PDE8A: variants seen among roughly 807,000 people sequenced by gnomAD.
PDE8A encodes high affinity cAMP-specific and IBMX-insensitive 3',5'-cyclic phosphodiesterase 8A.
Under a neutral mutation model 105.0 loss-of-function variants are expected in PDE8A, and 59 were observed. That is an observed-to-expected ratio of 0.56 (90% CI 0.46 to 0.70). The LOEUF (loss-of-function observed/expected upper bound fraction) is 0.70. Among genes scored for constraint, PDE8A ranks in the 30% least tolerant of loss-of-function variants. The probability of loss-of-function intolerance (pLI) is 0.00; values close to 1 mark genes in which losing one functional copy is unlikely to be tolerated. For missense variants in PDE8A, 1,014 were observed against 1,045.9 expected, an observed-to-expected ratio of 0.97 and a Z score of 0.42; for synonymous variants, 355 against 371.9, an observed-to-expected ratio of 0.95 and a Z score of 0.52.
chr15:85,015,283 G>A (rs1289134124), intron 1 of PDE8A, among the ~76,000 whole-genome samples: 1 of 151,240 alleles, frequency 6.6e-6, no homozygotes, highest in Non-Finnish European at 1.5e-5. Context: ...CTAGAGAGCA[G>A]TGGTGCAATC....
At chr15:85,043,526 C>G (rs1373053869) in intron 1 of PDE8A, among the ~76,000 whole-genome samples, 1 of 152,118 alleles carries the variant, frequency 6.6e-6, no homozygotes, top group South Asian at 2.1e-4. Flanking sequence ...TCTCATTTTT[C>G]TATGGGTTAA....
intron 1 of PDE8A, among the ~76,000 whole-genome samples, chr15:85,031,379 G>A (rs1267912516): frequency 6.6e-6 from 1 of 152,040 alleles, no homozygotes; most frequent in Non-Finnish European, 1.5e-5. Context: ...CATCATCTGT[G>A]TGCCGTCAAA....
At chr15:84,997,815 G>A (rs983496163) in intron 1 of PDE8A, among the ~76,000 whole-genome samples, 1 of 151,994 alleles carries the variant, frequency 6.6e-6, no homozygotes, top group Non-Finnish European at 1.5e-5. Flanking sequence ...GGCTGGTCTT[G>A]AACTCCCAAC....
chr15:85,115,709 C>T (rs1485147941), intron 15 of PDE8A: 4 of 542,658 alleles, frequency 7.4e-6, no homozygotes, highest in Non-Finnish European at 9.7e-6. Context: ...ATCACAAGGT[C>T]AGGAGTTCAA....
At chr15:85,070,001 C>A (rs1483540856) in intron 3 of PDE8A, among the ~76,000 whole-genome samples, 2 of 152,168 alleles carry the variant, frequency 1.3e-5, no homozygotes, top group Non-Finnish European at 2.9e-5. Context: ...TTTAAGGATG[C>A]CCGCCCACTT....
chr15:84,996,584 G>A (rs1017580750), intron 1 of PDE8A, among the ~76,000 whole-genome samples: 7 of 152,002 alleles, frequency 4.6e-5, no homozygotes, highest in Non-Finnish European at 2.9e-5. Flanking sequence ...CAGCACTTTG[G>A]GCGGCTGAGG....
chr15:85,100,439 C>T (rs1344854643), intron 11 of PDE8A, among the ~76,000 whole-genome samples: 1 of 152,192 alleles, frequency 6.6e-6, no homozygotes, highest in East Asian at 1.9e-4. Flanking sequence ...AAGAAATGGT[C>T]AACTGAAATG....
At chr15:85,031,923 GACACTTGTTGGAAT>G (rs1430110815) in intron 1 of PDE8A, among the ~76,000 whole-genome samples, 5 of 152,188 alleles carry the variant, frequency 3.3e-5, no homozygotes, top group Non-Finnish European at 5.9e-5. Context: ...GTTACCCTCA[GACACTTGTTGGAAT>G]ATTTTTGCGA....
Position 85,084,034 on chromosome 15 carries a change from C to T in PDE8A, c.635+390C>T, listed in dbSNP as rs189938824. Among the ~76,000 whole-genome samples, 4 of 151,044 alleles carry T rather than the reference C, an allele frequency of 2.6e-5. No individual in the cohort carries two copies. The East Asian group carries it at 7.7e-4, about 29-fold the overall frequency. The stretch of plus-strand genomic sequence containing the variant: ...TTCTCTACAATAAGCATTTTATCTG[C>T]TCTTGATAAACAGGGTTTTTTGGTT... On this transcript the variant is annotated intron_variant, in intron 6 of 21. Transcript: ENST00000394553.
At chr15:85,078,441 G>C (rs1322934679) in intron 5 of PDE8A, among the ~76,000 whole-genome samples, 1 of 151,504 alleles carries the variant, frequency 6.6e-6, no homozygotes, top group Non-Finnish European at 1.5e-5. Context: ...AGCTACTTGG[G>C]AGGCTGAGGC....
chr15:85,050,188 G>A (rs1442154076), intron 1 of PDE8A, among the ~76,000 whole-genome samples: 1 of 151,982 alleles, frequency 6.6e-6, no homozygotes, highest in Non-Finnish European at 1.5e-5. Context: ...TGGATTATAG[G>A]GGTTCTCTAT....
intron 1 of PDE8A, among the ~76,000 whole-genome samples, chr15:85,039,427 TAAA>T (rs567300953): frequency 7.3e-6 from 1 of 137,110 alleles, no homozygotes; most frequent in African/African-American, 2.7e-5. Flanking sequence ...AGATCTTGTC[TAAA>T]AAAAAAAAAA....
chr15:85,052,619 T>A (rs1319590879), intron 1 of PDE8A, among the ~76,000 whole-genome samples: 5 of 152,272 alleles, frequency 3.3e-5, no homozygotes, highest in African/African-American at 1.2e-4. Context: ...CATAAATGTC[T>A]TCTTTTGAGA....
chr15:85,070,413 CTAA>C (rs2081293662), intron 3 of PDE8A, among the ~76,000 whole-genome samples: 1 of 152,132 alleles, frequency 6.6e-6, no homozygotes, highest in African/African-American at 2.4e-5. Flanking sequence ...CTCTGAGGAG[CTAA>C]TACTTTAGTT....
Position 85,042,616 on chromosome 15 carries a change from A to G in PDE8A, c.187-21754A>G, listed in dbSNP as rs184155332. On this transcript the variant is annotated intron_variant, in intron 1 of 21. Coordinates refer to ENST00000394553, the MANE Select transcript of PDE8A (RefSeq NM_002605.3). ...CAAAACTCACTTTCTACCCAAAGCT[A>G]TGACAGAGATAGCATGTTTAGCTTC... 8.3e-4 allele frequency among the ~76,000 whole-genome samples: 127 copies of G among 152,332 alleles called. 1 individual carries two copies. The highest frequency in any genetic ancestry group is 3.4e-3 in the Middle Eastern group (1 of 294).
At chr15:85,088,638 A>G (rs2081591997) in intron 6 of PDE8A, among the ~76,000 whole-genome samples, 2 of 152,218 alleles carry the variant, frequency 1.3e-5, no homozygotes, top group Admixed American at 6.5e-5. Flanking sequence ...ACTTTTTTAC[A>G]TTCCCACCAG....
chr15:85,044,032 A>G (rs1482471156), intron 1 of PDE8A, among the ~76,000 whole-genome samples: 2 of 152,224 alleles, frequency 1.3e-5, no homozygotes, highest in Admixed American at 1.3e-4. Flanking sequence ...TTGGAAAAAT[A>G]CAGTTTAAAA....
intron 1 of PDE8A, among the ~76,000 whole-genome samples, chr15:85,032,410 T>G (rs1206102331): frequency 6.6e-6 from 1 of 152,202 alleles, no homozygotes; most frequent in Non-Finnish European, 1.5e-5. Context: ...GTATTTATTA[T>G]ACTGGGAACA....
intron 1 of PDE8A, among the ~76,000 whole-genome samples, chr15:85,034,642 G>C (rs2080672833): frequency 6.6e-6 from 1 of 152,196 alleles, no homozygotes; most frequent in Non-Finnish European, 1.5e-5. Context: ...AAGCTAAACA[G>C]TAAGAGTTAA....
Sources: gnomAD v4.1 joint callset for allele counts (sites outside exome capture counted in the v4.1 genomes callset) on GRCh38, gnomAD v4.1.1 for gene constraint, MANE v1.5 for transcripts, NCBI Gene and HGNC (gene_info 2026-07-23, HGNC 2026-07-21) for gene names.